The following SATB2 variants were observed in gnomAD, a reference collection of about 807,000 sequenced individuals.
SATB2 encodes SATB homeobox 2, also known as DNA-binding protein SATB2.
A neutral mutation model predicts 73.4 loss-of-function variants in SATB2; 1 was observed. The observed-to-expected ratio is 0.01, with a 90% CI of 0.00 to 0.06. SATB2 has a LOEUF of 0.06. Ranked by LOEUF, SATB2 falls within the 10% of genes least tolerant of loss-of-function variation. The probability of loss-of-function intolerance (pLI) is 1.00; values close to 1 mark genes in which losing one functional copy is unlikely to be tolerated. For missense variants in SATB2, 459 were observed against 945.8 expected (o/e 0.49, Z 6.75); for synonymous variants, 397 against 367.0 (o/e 1.08, Z -0.93).
At chr2:199,366,178 TGA>T (rs781513714) in intron 6 of SATB2, among the ~76,000 whole-genome samples, 52 of 152,240 alleles carry the variant, frequency 3.4e-4, no homozygotes, top group Non-Finnish European at 6.9e-4. Context: ...GTAGGGAGGC[TGA>T]GAGGGACATG....
chr2:199,417,070 ACT>A (rs1315322914), intron 3 of SATB2, among the ~76,000 whole-genome samples: 6 of 129,822 alleles, frequency 4.6e-5, no homozygotes, highest in Non-Finnish European at 1.0e-4. Flanking sequence ...ACACACACAC[ACT>A]CACAAAAAAA....
At position 199,308,040 on chromosome 2, in the gene SATB2, G is replaced by C. The variant is rs529388934; in HGVS notation, c.1740+720C>G. Among the ~76,000 whole-genome samples the C allele has an allele frequency of 3.3e-5, 5 of 152,128 alleles. No homozygotes were observed. The highest frequency in any genetic ancestry group is 7.4e-5 in the Non-Finnish European group (5 of 68,018). ...AAACAATTTGTGGGCCAAACTCTAG[G>C]GGGTCTAACGTTGGAAACCTCAACT... On this transcript the variant is annotated intron_variant, in intron 10 of 10. Transcript: ENST00000417098. This position sits in a 1 kb window ranked among gnomAD's most constrained non-coding sequence, Gnocchi z 4.6.
chr2:199,363,541 C>T (rs567474229), intron 6 of SATB2, among the ~76,000 whole-genome samples: 22 of 151,958 alleles, frequency 1.4e-4, no homozygotes, highest in Non-Finnish European at 2.5e-4. Flanking sequence ...CTCAGTGAGG[C>T]GAAACAAGTG....
chr2:199,287,733 T>C (rs1195874838), intron 10 of SATB2, among the ~76,000 whole-genome samples: 1 of 152,190 alleles, frequency 6.6e-6, no homozygotes, highest in Admixed American at 6.5e-5. Flanking sequence ...TCTGTAATTA[T>C]TTAAATCCTG....
chr2:199,456,988 G>T, intron 1 of SATB2, among the ~76,000 whole-genome samples: 1 of 151,568 alleles, frequency 6.6e-6, no homozygotes, highest in Non-Finnish European at 1.5e-5. Flanking sequence ...GGGGGGGCGG[G>T]GAAGGAGGGG....
At chr2:199,293,982 A>G (rs192059820) in intron 10 of SATB2, among the ~76,000 whole-genome samples, 2 of 152,064 alleles carry the variant, frequency 1.3e-5, no homozygotes, top group East Asian at 1.9e-4. Context: ...AAATAATCTA[A>G]TTTTTAATGC....
chr2:199,362,521 C>T (rs1689170064), intron 6 of SATB2, among the ~76,000 whole-genome samples: 1 of 152,138 alleles, frequency 6.6e-6, no homozygotes, highest in South Asian at 2.1e-4. Context: ...GGAAGTATAT[C>T]TTACGTGTGT....
At position 199,271,092 on chromosome 2, in the gene SATB2, CT is replaced by C. The variant is rs1335231108; in HGVS notation, c.*1118del. The stretch of plus-strand genomic sequence containing the variant: ...ACTTAATATTACACTGAACTATTTT[CT>C]AGTAAAAAACAAAAAGACAAAAAAA... On this transcript the variant is annotated 3_prime_UTR_variant, in exon 11 of 11. Transcript: ENST00000417098. 6.6e-6 allele frequency: 1 copy of C among 152,492 alleles called. No homozygotes were observed. Among genetic ancestry groups the C allele is most frequent in the African/African-American group, 2.4e-5 (1 of 41,412 alleles). 9.4% of individuals were successfully genotyped at this position (152,492 alleles called of 1,614,324 possible). A position where few individuals can be genotyped will look rare whatever the true frequency, so the allele number is the denominator to read the frequency against.
intron 6 of SATB2, among the ~76,000 whole-genome samples, chr2:199,351,343 A>C (rs1473696442): frequency 6.6e-6 from 1 of 152,024 alleles, no homozygotes; most frequent in South Asian, 2.1e-4. Context: ...TTGTATTTTC[A>C]GTAGAGACGG....
intron 3 of SATB2, among the ~76,000 whole-genome samples, chr2:199,408,863 G>A (rs530521470): frequency 2.2e-4 from 34 of 152,262 alleles, no homozygotes; most frequent in Admixed American, 1.6e-3. Flanking sequence ...CTCATCTCTG[G>A]AAGTAGCTAA....
intron 5 of SATB2, among the ~76,000 whole-genome samples, chr2:199,377,743 A>T (rs1490883971): frequency 6.6e-6 from 1 of 152,156 alleles, no homozygotes; most frequent in Non-Finnish European, 1.5e-5. Context: ...ATCAGGTGGC[A>T]GGAGAAAAGT....
upstream of SATB2, among the ~76,000 whole-genome samples, chr2:199,469,414 C>A (rs375309037): frequency 7.9e-5 from 12 of 152,264 alleles, 1 homozygote; most frequent in East Asian, 2.1e-3. Context: ...CGCCCCCCGG[C>A]GGTTCCTAAA....
intron 1 of SATB2, chr2:199,470,217 C>A (rs1692677831): frequency 6.6e-6 from 1 of 152,300 alleles, no homozygotes; most frequent in African/African-American, 2.4e-5. Context: ...CTGAGAGCCC[C>A]ATAACGGAAA....
chr2:199,405,929 TG>T (rs1690618063), intron 3 of SATB2, among the ~76,000 whole-genome samples: 1 of 152,172 alleles, frequency 6.6e-6, no homozygotes, highest in Non-Finnish European at 1.5e-5. Context: ...ATTCAGTCCA[TG>T]GGTTCTAGAC....
At chr2:199,276,986 T>C (rs1400098351) in intron 10 of SATB2, among the ~76,000 whole-genome samples, 1 of 152,046 alleles carries the variant, frequency 6.6e-6, no homozygotes, top group Admixed American at 6.6e-5. Context: ...GTAGGAAAAA[T>C]GAACTATTGC....
chr2:199,426,619 G>GA, intron 3 of SATB2, among the ~76,000 whole-genome samples: 1 of 138,148 alleles, frequency 7.2e-6, no homozygotes, highest in Non-Finnish European at 1.5e-5. Context: ...TTTCAATAGG[G>GA]AAAATGTCAA....
rs1688725220 is a variant in SATB2 at position 199,348,684 on chromosome 2, T to C, written c.1173+17A>G. On this transcript the variant is annotated intron_variant, in intron 7 of 10. Transcript: ENST00000417098. ...CCCAGTATTACTGTTAATTACAGTG[T>C]TTAATGCTAATTGTACCTGTGTGCG... is the stretch of plus-strand genomic sequence containing the variant. 1.9e-6 allele frequency: 3 copies of C among 1,547,662 alleles called. No individual in the cohort carries two copies. Among genetic ancestry groups the C allele is most frequent in the Non-Finnish European group, 2.6e-6 (3 of 1,139,738 alleles).
chr2:199,332,029 G>A (rs1688204639), intron 7 of SATB2, among the ~76,000 whole-genome samples: 1 of 151,910 alleles, frequency 6.6e-6, no homozygotes, highest in Non-Finnish European at 1.5e-5. Flanking sequence ...CGGCACCTGG[G>A]CACTGAAAAA....
At chr2:199,375,414 G>A (rs573014276) in intron 5 of SATB2, among the ~76,000 whole-genome samples, 5 of 152,158 alleles carry the variant, frequency 3.3e-5, no homozygotes, top group Admixed American at 2.0e-4. Flanking sequence ...ACCACAATCT[G>A]TACTTTCCAA....
Sources: allele counts gnomAD v4.1 joint callset (sites outside exome capture counted in the v4.1 genomes callset), GRCh38; gene constraint gnomAD v4.1.1; non-coding constraint Gnocchi (gnomAD v3.1); transcripts MANE v1.5; gene names NCBI Gene and HGNC (gene_info 2026-07-23, HGNC 2026-07-21).